The following FBXL4 variants were observed in gnomAD, a reference collection of about 807,000 sequenced individuals.
FBXL4 encodes F-box and leucine rich repeat protein 4, also known as F-box/LRR-repeat protein 4.
Under a neutral mutation model 58.9 loss-of-function variants are expected in FBXL4, and 40 were observed. The observed-to-expected ratio is 0.68, with a 90% CI of 0.53 to 0.88. The LOEUF is 0.88. Ranked by LOEUF, FBXL4 falls within the 40% of genes least tolerant of loss-of-function variation. The probability of loss-of-function intolerance (pLI) is 0.00; values close to 1 mark genes in which losing one functional copy is unlikely to be tolerated. For synonymous variants in FBXL4, 263 were observed against 265.5 expected (o/e 0.99, Z 0.09); for missense variants, 676 against 734.4 (o/e 0.92, Z 0.92).
rs143007431 is a variant in FBXL4 at position 98,895,976 on chromosome 6, T to C, written c.1317+3292A>G. The stretch of plus-strand genomic sequence containing the variant: ...AATTTTTGCTTATTTTAGAATTTTG[T>C]AGGGTTCAGGAAAACAGGGTTAAAG... On this transcript the variant is annotated intron_variant, in intron 7 of 9. Coordinates refer to ENST00000369244, the MANE Select transcript of FBXL4 (RefSeq NM_001278716.2). 2.4e-3 allele frequency among the ~76,000 whole-genome samples: 359 copies of C among 152,294 alleles called. 2 individuals carry two copies. Among genetic ancestry groups the C allele is most frequent in the Non-Finnish European group, 4.4e-3 (302 of 68,010 alleles).
Position 98,873,207 on chromosome 6 carries a change from AATAT to A in FBXL4, c.*1067_*1070del, listed in dbSNP as rs1400561004. On this transcript the variant is annotated 3_prime_UTR_variant, in exon 10 of 10. Coordinates refer to ENST00000369244, the MANE Select transcript of FBXL4 (RefSeq NM_001278716.2). ...GCAAGATATATATCTCTCTCTATAT[AATAT>A]ATATAATTATATATATGTATATAAT... 6.8e-6 allele frequency: 1 copy of A among 147,788 alleles called. No individual in the cohort carries two copies. Among genetic ancestry groups the A allele is most frequent in the South Asian group, 2.1e-4 (1 of 4,794 alleles). The allele number at this position is 147,788 out of a possible 1,614,324, so 9.2% of individuals were successfully genotyped here. A position where few individuals can be genotyped will look rare whatever the true frequency, so the allele number is the denominator to read the frequency against.
intron 9 of FBXL4, 126 bp from the exon 10 acceptor site, chr6:98,874,567 T>C (rs1770587161): frequency 9.4e-7 from 1 of 1,066,172 alleles, no homozygotes; most frequent in South Asian, 1.8e-5. Context: ...CTTTACAAAT[T>C]AAAATCATTT....
At chr6:98,911,573 T>A (rs893519128) in intron 5 of FBXL4, among the ~76,000 whole-genome samples, 1 of 152,034 alleles carries the variant, frequency 6.6e-6, no homozygotes, top group African/African-American at 2.4e-5. Flanking sequence ...GCAAACAGGG[T>A]CCGGAGTGGA....
chr6:98,885,245 A>C (rs1447005257), intron 7 of FBXL4, among the ~76,000 whole-genome samples: 2 of 152,300 alleles, frequency 1.3e-5, no homozygotes, highest in Non-Finnish European at 2.9e-5. Context: ...CTGGGATTAC[A>C]GGCATGTGCC....
intron 2 of FBXL4, among the ~76,000 whole-genome samples, chr6:98,933,194 T>C (rs559975813): frequency 6.6e-5 from 10 of 152,368 alleles, no homozygotes; most frequent in Admixed American, 1.3e-4. Flanking sequence ...CTCTCTTTCC[T>C]GGCTGGCCCC....
At chr6:98,930,964 C>T (rs1400074545) in intron 2 of FBXL4, among the ~76,000 whole-genome samples, 1 of 152,094 alleles carries the variant, frequency 6.6e-6, no homozygotes, top group Non-Finnish European at 1.5e-5. Context: ...TAAAGAACAA[C>T]CTATAACATG....
At chr6:98,912,678 A>G (rs945980145) in intron 5 of FBXL4, among the ~76,000 whole-genome samples, 1 of 152,212 alleles carries the variant, frequency 6.6e-6, no homozygotes, top group African/African-American at 2.4e-5. Flanking sequence ...TGAAGGAAGC[A>G]CTAAACATGG....
chr6:98,927,899 C>T (rs1319071444), intron 2 of FBXL4, 77 bp from the exon 3 acceptor site: 2 of 152,176 alleles, frequency 1.3e-5, no homozygotes, highest in Non-Finnish European at 2.9e-5. Context: ...TAAATAGCCA[C>T]TTATTCAACC....
In FBXL4 at chr6:98,882,513, G is replaced by T. The variant is rs188369607; in HGVS notation, c.1318-1889C>A. 2.4e-4 allele frequency among the ~76,000 whole-genome samples: 37 copies of T among 151,856 alleles called. 2 individuals are homozygous for T. Among genetic ancestry groups the T allele is most frequent in the Admixed American group, 2.4e-3 (37 of 15,246 alleles). ...TAGCTCTAGTCCACTAATCTTTAAT[G>T]AAACTTGTTTGGTAATTTATTTTTA... is the stretch of plus-strand genomic sequence containing the variant. On this transcript the variant is annotated intron_variant, in intron 7 of 9. Transcript: ENST00000369244.
chr6:98,905,257 A>AT (rs965839472), intron 6 of FBXL4, among the ~76,000 whole-genome samples, 169 bp downstream of exon 6: 3 of 152,166 alleles, frequency 2.0e-5, no homozygotes, highest in South Asian at 2.1e-4. Context: ...TAAAACACTT[A>AT]TTTTTTTATA....
intron 5 of FBXL4, among the ~76,000 whole-genome samples, chr6:98,911,709 T>C (rs1023382557): frequency 1.3e-5 from 2 of 151,762 alleles, no homozygotes; most frequent in African/African-American, 2.4e-5. Context: ...CAAAAGTAGA[T>C]AAAACCACAA....
At chr6:98,887,867 AAC>A (rs1261602626) in intron 7 of FBXL4, among the ~76,000 whole-genome samples, 1 of 152,224 alleles carries the variant, frequency 6.6e-6, no homozygotes, top group Non-Finnish European at 1.5e-5. Context: ...AGCACAAATT[AAC>A]ACAGTTTCAT....
intron 1 of FBXL4, among the ~76,000 whole-genome samples, chr6:98,942,522 CAT>C (rs1282045292): frequency 1.3e-5 from 2 of 151,990 alleles, no homozygotes; most frequent in African/African-American, 4.8e-5. Flanking sequence ...TGTTTCAAAG[CAT>C]ATAGCGCATC....
At chr6:98,892,159 T>A (rs1479205812) in intron 7 of FBXL4, among the ~76,000 whole-genome samples, 1 of 152,252 alleles carries the variant, frequency 6.6e-6, no homozygotes, top group African/African-American at 2.4e-5. Context: ...TATTATCAGC[T>A]ATTAAAACTA....
chr6:98,873,907 A>G lies in FBXL4; in HGVS notation c.*371T>C. 1 of 158,962 alleles carries G rather than the reference A, an allele frequency of 6.3e-6. No homozygotes were observed. Among genetic ancestry groups the G allele is most frequent in the Non-Finnish European group, 1.4e-5 (1 of 72,908 alleles). The allele number at this position is 158,962 out of a possible 1,614,324, so 9.8% of individuals were successfully genotyped here. A position where few individuals can be genotyped will look rare whatever the true frequency, so the allele number is the denominator to read the frequency against. ...GGCTTAATAAGACATCCTTACATGA[A>G]GGTGTAAAAAATTAACTTTTTTTTT... On this transcript the variant is annotated 3_prime_UTR_variant, in exon 10 of 10. Transcript: ENST00000369244.
intron 7 of FBXL4, among the ~76,000 whole-genome samples, chr6:98,884,033 A>G (rs954112614): frequency 6.6e-6 from 1 of 151,674 alleles, no homozygotes; most frequent in Non-Finnish European, 1.5e-5. Context: ...ATTTTTTTTT[A>G]TATCTGATAC....
At chr6:98,886,700 C>A (rs1451352148) in intron 7 of FBXL4, among the ~76,000 whole-genome samples, 5 of 152,184 alleles carry the variant, frequency 3.3e-5, no homozygotes, top group Non-Finnish European at 7.3e-5. Context: ...TGCAGTGGCA[C>A]TGCGGATACT....
At chr6:98,928,091 G>GT (rs1253008698) in intron 2 of FBXL4, among the ~76,000 whole-genome samples, 6 of 152,094 alleles carry the variant, frequency 3.9e-5, no homozygotes, top group African/African-American at 1.2e-4. Context: ...GCCAAACAGT[G>GT]TTTTTTAAAA....
intron 8 of FBXL4, among the ~76,000 whole-genome samples, chr6:98,880,258 G>A (rs1420102756): frequency 6.6e-6 from 1 of 152,194 alleles, no homozygotes; most frequent in Non-Finnish European, 1.5e-5. Flanking sequence ...AGTTTGTGAA[G>A]AAACCTAGAG....
Sources: allele counts gnomAD v4.1 joint callset (sites outside exome capture counted in the v4.1 genomes callset), GRCh38; gene constraint gnomAD v4.1.1; transcripts MANE v1.5; gene names NCBI Gene and HGNC (gene_info 2026-07-23, HGNC 2026-07-21).